The following SETBP1 variants were observed in gnomAD, a reference collection of about 807,000 sequenced individuals.
The protein encoded by SETBP1 is SET-binding protein.
SETBP1 carries 9 observed loss-of-function variants against 101.0 expected under a neutral mutation model. The observed-to-expected ratio is 0.09, with a 90% CI of 0.05 to 0.16. The LOEUF (loss-of-function observed/expected upper bound fraction) is 0.16, where lower values mean the gene tolerates loss of function less well. Among genes scored for constraint, SETBP1 ranks in the 10% least tolerant of loss-of-function variants. SETBP1 has a pLI of 1.00. For missense variants in SETBP1, 1,858 were observed against 2,033.8 expected, an observed-to-expected ratio of 0.91 and a Z score of 1.66; for synonymous variants, 818 against 788.5, an observed-to-expected ratio of 1.04 and a Z score of -0.63.
intron 4 of SETBP1, among the ~76,000 whole-genome samples, chr18:44,978,325 A>T (rs1477958607): frequency 6.6e-6 from 1 of 152,094 alleles, no homozygotes; most frequent in East Asian, 1.9e-4. Flanking sequence ...GTGATCAAGG[A>T]GAGAAACTGG....
intron 2 of SETBP1, among the ~76,000 whole-genome samples, chr18:44,705,643 T>C (rs181446198): frequency 7.5e-4 from 114 of 152,248 alleles, no homozygotes; most frequent in African/African-American, 2.6e-3. Context: ...TCGTTTTCAT[T>C]GGTGTTTGAA....
rs111246411 is a variant in SETBP1 at position 44,916,224 on chromosome 18, T to C, written c.541-33657T>C. Among the ~76,000 whole-genome samples the C allele has an allele frequency of 5.0e-3, 754 of 152,264 alleles. 7 individuals are homozygous for C. The highest frequency in any genetic ancestry group is 0.017 in the African/African-American group (727 of 41,546). ...CTGGGTGACAGAGCAAGACTCTGTC[T>C]CAAAAAAAGTTTTCTCTTAACTACT... On this transcript the variant is annotated intron_variant, in intron 3 of 5. Transcript: ENST00000649279.
At chr18:44,730,810 C>G (rs748070650) in intron 2 of SETBP1, among the ~76,000 whole-genome samples, 1 of 152,292 alleles carries the variant, frequency 6.6e-6, no homozygotes, top group African/African-American at 2.4e-5. Context: ...CCTTTATAGA[C>G]GAGACACAAG....
At chr18:44,737,315 T>C (rs1434020606) in intron 2 of SETBP1, among the ~76,000 whole-genome samples, 1 of 152,164 alleles carries the variant, frequency 6.6e-6, no homozygotes, top group Non-Finnish European at 1.5e-5. Context: ...TGGACTGGTG[T>C]CTGAGGTGAG....
chr18:44,973,234 A>T (rs539649474), intron 4 of SETBP1, among the ~76,000 whole-genome samples: 2 of 152,172 alleles, frequency 1.3e-5, no homozygotes, highest in Non-Finnish European at 2.9e-5. Context: ...AGCCCACTTG[A>T]TCATGGTGGA....
chr18:45,026,497 G>A lies in SETBP1; in HGVS notation c.4001-11988G>A, dbSNP rs527534374. On this transcript the variant is annotated intron_variant, in intron 4 of 5. Coordinates refer to ENST00000649279, the MANE Select transcript of SETBP1 (RefSeq NM_015559.3). ...TAACCTACCTTGATTTTACTTTACC[G>A]AAGCTCCAATATGTTCAGCAATAGC... is the stretch of plus-strand genomic sequence containing the variant. 5.4e-4 allele frequency among the ~76,000 whole-genome samples: 82 copies of A among 152,174 alleles called. No individual in the cohort carries two copies. In the Middle Eastern group the frequency reaches 0.01, roughly 19 times the overall value.
chr18:44,990,500 T>C (rs1309808255), intron 4 of SETBP1, among the ~76,000 whole-genome samples: 1 of 151,540 alleles, frequency 6.6e-6, no homozygotes, highest in Admixed American at 6.6e-5. Context: ...GCTGAGGTGG[T>C]AGGATTGCTG....
chr18:44,746,022 T>A (rs1234907518), intron 2 of SETBP1, among the ~76,000 whole-genome samples: 2 of 152,096 alleles, frequency 1.3e-5, no homozygotes, highest in African/African-American at 4.8e-5. Flanking sequence ...GGAGATGTGG[T>A]CAAATATGCA....
chr18:44,953,399 C>A, intron 4 of SETBP1, 59 bp downstream of exon 4: 1 of 1,446,836 alleles, frequency 6.9e-7, no homozygotes, highest in Non-Finnish European at 9.6e-7. Context: ...GGGCTTTGCA[C>A]CTCAGACACA....
intron 3 of SETBP1, among the ~76,000 whole-genome samples, chr18:44,944,867 G>A (rs1481716600): frequency 6.6e-6 from 1 of 151,882 alleles, no homozygotes; most frequent in Non-Finnish European, 1.5e-5. Flanking sequence ...GTAAGCCTGA[G>A]ATAAGGCTAG....
At chr18:44,805,350 A>G (rs1379351508) in intron 2 of SETBP1, among the ~76,000 whole-genome samples, 2 of 151,860 alleles carry the variant, frequency 1.3e-5, no homozygotes, top group East Asian at 3.9e-4. Context: ...CTGTGTGTCT[A>G]GCAGCTGCCA....
intron 3 of SETBP1, among the ~76,000 whole-genome samples, chr18:44,936,338 A>G (rs2070956508): frequency 6.6e-6 from 1 of 152,208 alleles, no homozygotes. Flanking sequence ...TCCCTTCTGG[A>G]AGGATGCAGC....
chr18:44,834,631 A>G (rs2072455516), intron 2 of SETBP1, among the ~76,000 whole-genome samples: 1 of 152,210 alleles, frequency 6.6e-6, no homozygotes, highest in South Asian at 2.1e-4. Flanking sequence ...GGACCAGTAA[A>G]TGTAATGATT....
intron 3 of SETBP1, among the ~76,000 whole-genome samples, chr18:44,895,643 A>G (rs2069883588): frequency 6.6e-6 from 1 of 152,116 alleles, no homozygotes; most frequent in Admixed American, 6.5e-5. Context: ...GCTGCCTCCC[A>G]GTGGGAAGGT....
chr18:44,906,335 T>C (rs1442436737), intron 3 of SETBP1, among the ~76,000 whole-genome samples: 1 of 152,206 alleles, frequency 6.6e-6, no homozygotes, highest in East Asian at 1.9e-4. Context: ...TAGCAGCCAC[T>C]AAAGTGACTA....
chr18:44,967,945 G>A (rs2071756197), intron 4 of SETBP1, among the ~76,000 whole-genome samples: 1 of 152,114 alleles, frequency 6.6e-6, no homozygotes, highest in Non-Finnish European at 1.5e-5. Context: ...CTAAGTACCT[G>A]TGTTCTTTGT....
chr18:44,891,528 G>A (rs1207654279), intron 3 of SETBP1, among the ~76,000 whole-genome samples: 2 of 152,048 alleles, frequency 1.3e-5, no homozygotes, highest in African/African-American at 4.8e-5. Flanking sequence ...TCTTATAATG[G>A]GGCTTTGCAC....
intron 5 of SETBP1, among the ~76,000 whole-genome samples, chr18:45,042,943 G>C (rs1038121836): frequency 2.0e-5 from 3 of 152,174 alleles, no homozygotes; most frequent in African/African-American, 7.2e-5. Context: ...AAGGAGGTCT[G>C]ATTCAAGGGA....
chr18:44,855,316 GT>G (rs1475477339), intron 2 of SETBP1, among the ~76,000 whole-genome samples: 7 of 151,352 alleles, frequency 4.6e-5, no homozygotes, highest in Admixed American at 4.6e-4. Context: ...TTTTGTTTTT[GT>G]TTTCATTTTG....
Sources: allele counts gnomAD v4.1 joint callset (sites outside exome capture counted in the v4.1 genomes callset), GRCh38; gene constraint gnomAD v4.1.1; transcripts MANE v1.5; gene names NCBI Gene and HGNC (gene_info 2026-07-23, HGNC 2026-07-21).